Variants in ATP8A1 observed in about 807,000 individuals in gnomAD.
ATP8A1 encodes ATPase phospholipid transporting 8A1.
In ATP8A1, 90 loss-of-function variants were observed where a neutral mutation model predicts 177.7. The observed-to-expected ratio is 0.51, with a 90% CI of 0.43 to 0.60. The LOEUF is 0.60. ATP8A1 is among the 20% of genes least tolerant of loss of function. The pLI, the probability that ATP8A1 is intolerant of heterozygous loss-of-function variation, is 0.00. For synonymous variants in ATP8A1, 493 were observed against 485.9 expected (o/e 1.01, Z -0.19); for missense variants, 1,072 against 1,392.8 (o/e 0.77, Z 3.67).
chr4:42,584,223 G>A (rs1733394387), intron 9 of ATP8A1, among the ~76,000 whole-genome samples: 1 of 152,134 alleles, frequency 6.6e-6, no homozygotes, highest in Non-Finnish European at 1.5e-5. Context: ...ATGCCTGGGA[G>A]ATAAGGTATA....
intron 20 of ATP8A1, among the ~76,000 whole-genome samples, chr4:42,542,528 T>C (rs1404714990): frequency 6.6e-6 from 1 of 152,184 alleles, no homozygotes; most frequent in Non-Finnish European, 1.5e-5. Flanking sequence ...TGTGCCATGT[T>C]GGTTTGCTGC....
At chr4:42,431,882 G>A (rs1364230183) in intron 33 of ATP8A1, among the ~76,000 whole-genome samples, 1 of 152,154 alleles carries the variant, frequency 6.6e-6, no homozygotes, top group Non-Finnish European at 1.5e-5. Context: ...CATCTTCTTC[G>A]TGAAATCATC....
intron 14 of ATP8A1, 39 bp from the exon 15 acceptor site, chr4:42,569,244 A>G (rs776410606): frequency 3.2e-6 from 5 of 1,544,702 alleles, no homozygotes; most frequent in Non-Finnish European, 4.4e-6. Flanking sequence ...GAGAGGAAAA[A>G]TAATCACAGA....
At chr4:42,513,802 C>T (rs1725247469) in intron 22 of ATP8A1, among the ~76,000 whole-genome samples, 1 of 152,164 alleles carries the variant, frequency 6.6e-6, no homozygotes, top group Admixed American at 6.5e-5. Context: ...AGAAAGGTCA[C>T]TAGTAGCTGT....
intron 3 of ATP8A1, 40 bp downstream of exon 3, chr4:42,625,574 G>A: frequency 2.9e-6 from 4 of 1,379,966 alleles, no homozygotes; most frequent in Non-Finnish European, 4.1e-6. Flanking sequence ...ACATTTATTA[G>A]TACCTGAACA....
intron 1 of ATP8A1, among the ~76,000 whole-genome samples, chr4:42,640,529 C>G (rs1045639702): frequency 3.3e-5 from 5 of 151,994 alleles, no homozygotes; most frequent in Non-Finnish European, 2.9e-5. Flanking sequence ...AATCCCTTTT[C>G]TTTCTTTTCA....
intron 20 of ATP8A1, among the ~76,000 whole-genome samples, chr4:42,530,425 T>G (rs967291347): frequency 5.3e-5 from 8 of 152,262 alleles, no homozygotes; most frequent in African/African-American, 1.9e-4. Context: ...CTGCACGCAG[T>G]GCTTCTGCCA....
intron 5 of ATP8A1, among the ~76,000 whole-genome samples, chr4:42,604,000 A>G (rs1305302099): frequency 6.6e-6 from 1 of 152,212 alleles, no homozygotes; most frequent in East Asian, 1.9e-4. Flanking sequence ...TTTATGAAGC[A>G]GCTCTTGCCT....
chr4:42,531,808 C>T (rs1183573978), intron 20 of ATP8A1, among the ~76,000 whole-genome samples: 1 of 152,056 alleles, frequency 6.6e-6, no homozygotes, highest in Non-Finnish European at 1.5e-5. Context: ...ATCCCATTTA[C>T]AACAGTCATA....
At chr4:42,553,852 G>A (rs887224899) in intron 16 of ATP8A1, among the ~76,000 whole-genome samples, 1 of 152,170 alleles carries the variant, frequency 6.6e-6, no homozygotes, top group Non-Finnish European at 1.5e-5. Flanking sequence ...ACTTGAGCGA[G>A]TCTGTGGTTA....
intron 35 of ATP8A1, among the ~76,000 whole-genome samples, chr4:42,421,255 G>A (rs994444386): frequency 7.9e-5 from 12 of 152,154 alleles, no homozygotes; most frequent in African/African-American, 2.7e-4. Flanking sequence ...TTCCCATCCT[G>A]TACACTGGGA....
intron 22 of ATP8A1, among the ~76,000 whole-genome samples, chr4:42,510,381 T>C (rs989314418): frequency 1.3e-5 from 2 of 152,210 alleles, no homozygotes; most frequent in South Asian, 4.1e-4. Context: ...ACCACAACTG[T>C]TGAATTTAAA....
At chr4:42,468,340 A>G (rs1720010164) in intron 25 of ATP8A1, among the ~76,000 whole-genome samples, 1 of 152,158 alleles carries the variant, frequency 6.6e-6, no homozygotes, top group Non-Finnish European at 1.5e-5. Flanking sequence ...ATGCCCATCA[A>G]TCAACAAGCG....
chr4:42,522,105 T>A, intron 22 of ATP8A1, 55 bp downstream of exon 22: 1 of 1,554,928 alleles, frequency 6.4e-7, no homozygotes, highest in Non-Finnish European at 8.6e-7. Context: ...TGAATAAAGA[T>A]CAAAACTATC....
intron 20 of ATP8A1, among the ~76,000 whole-genome samples, chr4:42,539,544 A>G (rs1213480477): frequency 6.6e-6 from 1 of 152,088 alleles, no homozygotes; most frequent in Admixed American, 6.5e-5. Context: ...CATTACCTAC[A>G]TTTAAAATTT....
At chr4:42,565,166 T>C (rs1024596739) in intron 15 of ATP8A1, among the ~76,000 whole-genome samples, 1 of 152,214 alleles carries the variant, frequency 6.6e-6, no homozygotes, top group East Asian at 1.9e-4. Context: ...TATGTCTTTA[T>C]CAGTAGCTTG....
intron 27 of ATP8A1, among the ~76,000 whole-genome samples, chr4:42,458,544 A>G (rs576919038): frequency 1.3e-5 from 2 of 152,330 alleles, no homozygotes; most frequent in African/African-American, 4.8e-5. Flanking sequence ...ATGAACACCT[A>G]GAGCTGCTCC....
chr4:42,533,983 A>G (rs1474631294), intron 20 of ATP8A1, among the ~76,000 whole-genome samples: 1 of 152,092 alleles, frequency 6.6e-6, no homozygotes, highest in Admixed American at 6.5e-5. Flanking sequence ...GAGAACACCA[A>G]ATCAAGGGAG....
At chr4:42,552,918 G>A (rs752840740) in intron 16 of ATP8A1, among the ~76,000 whole-genome samples, 8 of 152,124 alleles carry the variant, frequency 5.3e-5, no homozygotes, top group South Asian at 4.1e-4. Context: ...GGCGGGAGGC[G>A]GAGGTTGCAG....
Sources: allele counts gnomAD v4.1 joint callset (sites outside exome capture counted in the v4.1 genomes callset), GRCh38; gene constraint gnomAD v4.1.1; transcripts MANE v1.5; gene names NCBI Gene and HGNC (gene_info 2026-07-23, HGNC 2026-07-21).